Variants in TET3 observed in about 807,000 individuals in gnomAD.
TET3 encodes methylcytosine dioxygenase TET3.
Under a neutral mutation model 141.4 loss-of-function variants are expected in TET3, and 19 were observed. The observed-to-expected ratio is 0.13, with a 90% CI of 0.09 to 0.20. The LOEUF (loss-of-function observed/expected upper bound fraction) is 0.20, where lower values mean the gene tolerates loss of function less well. Among genes scored for constraint, TET3 ranks in the 10% least tolerant of loss-of-function variants. The probability of loss-of-function intolerance (pLI) is 1.00; values close to 1 mark genes in which losing one functional copy is unlikely to be tolerated. For missense variants in TET3, 1,874 were observed against 2,356.9 expected (o/e 0.80, Z 4.24); for synonymous variants, 1,043 against 980.9 (o/e 1.06, Z -1.18).
downstream of TET3, among the ~76,000 whole-genome samples, chr2:74,111,208 C>T (rs578233563): frequency 1.3e-5 from 2 of 152,252 alleles, no homozygotes; most frequent in Admixed American, 6.5e-5. Flanking sequence ...CCAAAAGAAT[C>T]GACTCAGTCT....
At chr2:74,029,835 C>T (rs1421526707) in intron 3 of TET3, among the ~76,000 whole-genome samples, 1 of 152,178 alleles carries the variant, frequency 6.6e-6, no homozygotes, top group East Asian at 1.9e-4. Context: ...CCTTTGATAT[C>T]CTGTCAGTAA....
At chr2:74,030,749 A>T (rs985611174) in intron 3 of TET3, among the ~76,000 whole-genome samples, 2 of 152,184 alleles carry the variant, frequency 1.3e-5, no homozygotes, top group African/African-American at 4.8e-5. Context: ...TCTGGGGTGG[A>T]AGCAGAGGCA....
chr2:74,016,854 G>A (rs912831343), intron 3 of TET3, among the ~76,000 whole-genome samples: 8 of 147,544 alleles, frequency 5.4e-5, no homozygotes, highest in South Asian at 4.2e-4. Context: ...GTGGGGTACA[G>A]TATGATGTTT....
rs954216508 is a variant in TET3 at position 74,098,435 on chromosome 2, A to G, written c.3268-841A>G. ...TGACCATATGCATAATACCCCCTTTAATTAGCAAAAAGTAATTGTGTACTT... is the reference window on the plus strand; with the variant it reads ...TGACCATATGCATAATACCCCCTTTGATTAGCAAAAAGTAATTGTGTACTT... On this transcript the variant is annotated intron_variant, in intron 10 of 11. Transcript: ENST00000409262. Among the ~76,000 whole-genome samples the G allele has an allele frequency of 3.3e-5, 5 of 152,296 alleles. No individual in the cohort carries two copies. The East Asian group carries it at 9.6e-4, about 29-fold the overall frequency.
At chr2:74,125,900 C>T in the TET3 span, among the ~76,000 whole-genome samples, 236 of 152,216 alleles carry the variant, frequency 1.6e-3, no homozygotes, top group African/African-American at 5.4e-3. Context: ...CCATTATTCA[C>T]TTAGAGAAAA....
intron 8 of TET3, among the ~76,000 whole-genome samples, chr2:74,090,936 C>T (rs1690458383): frequency 6.6e-6 from 1 of 152,192 alleles, no homozygotes; most frequent in African/African-American, 2.4e-5. Context: ...CAAGTTGCAA[C>T]CTTCCAAATC....
At position 74,090,120 on chromosome 2, in the gene TET3, T is replaced by C. The variant is rs549114637; in HGVS notation, c.3039+73T>C. ...GCGTCCTTCATGGTCCAGCGGGAGG[T>C]AGTACTGGCACGCCATGACTCAGAT... On this transcript the variant is annotated intron_variant, in intron 8 of 11. Transcript: ENST00000409262. The C allele has an allele frequency of 2.5e-5, 39 of 1,581,114 alleles. No individual in the cohort carries two copies. The African/African-American group carries it at 3.6e-4, about 15-fold the overall frequency.
At chr2:74,128,718 T>C in the TET3 span, among the ~76,000 whole-genome samples, 41 of 146,682 alleles carry the variant, frequency 2.8e-4, no homozygotes, top group South Asian at 8.7e-4. Flanking sequence ...AAGGCTGGGC[T>C]TATGCTTGTA....
At chr2:73,984,706 G>A (rs1450475747), upstream of TET3, among the ~76,000 whole-genome samples, 1 of 151,670 alleles carries the variant, frequency 6.6e-6, no homozygotes, top group Non-Finnish European at 1.5e-5. This position sits in a 1 kb window ranked among gnomAD's most constrained non-coding sequence, Gnocchi z 5.6. Context: ...CACTGCAGGT[G>A]CAGAGAAGCG....
chr2:74,092,003 T>C (rs1286274510), intron 8 of TET3, among the ~76,000 whole-genome samples: 1 of 152,238 alleles, frequency 6.6e-6, no homozygotes, highest in Non-Finnish European at 1.5e-5. Flanking sequence ...TGAATTGCTT[T>C]AATTTTTATT....
At chr2:74,111,089 G>A (rs1217341628), downstream of TET3, among the ~76,000 whole-genome samples, 1 of 152,142 alleles carries the variant, frequency 6.6e-6, no homozygotes, top group Non-Finnish European at 1.5e-5. Flanking sequence ...TGAAGCCCTG[G>A]AAACCCTCTG....
chr2:74,029,020 A>G (rs889805264), intron 3 of TET3, among the ~76,000 whole-genome samples: 1 of 152,222 alleles, frequency 6.6e-6, no homozygotes, highest in Non-Finnish European at 1.5e-5. Context: ...TTGTAGAACC[A>G]TGGGCCTTAG....
Position 74,048,016 on chromosome 2 carries a change from T to A in TET3, c.2099T>A (p.Leu700His). 1.2e-6 allele frequency: 2 copies of A among 1,608,922 alleles called. No individual in the cohort carries two copies. The highest frequency in any genetic ancestry group is 1.7e-6 in the Non-Finnish European group (2 of 1,177,396). Reference sequence around the variant, plus strand: ...TTGCAGCCAGGCTCCACTGGCCCTCTTCCCCCTGCCGATGACAAGCTGGAA... The same window carrying A: ...TTGCAGCCAGGCTCCACTGGCCCTCATCCCCCTGCCGATGACAAGCTGGAA... ...TALQPGSTGP[L>H]PPADDKLEEL... Residue 700 changes from leucine (L) to histidine (H), a missense_variant, in exon 4 of 12, where the codon CTT (leucine) becomes CAT (histidine). Coordinates refer to ENST00000409262, the MANE Select transcript of TET3 (RefSeq NM_001287491.2).
intron 10 of TET3, among the ~76,000 whole-genome samples, chr2:74,095,927 CTT>C (rs1008358275): frequency 5.3e-5 from 8 of 152,228 alleles, no homozygotes; most frequent in Non-Finnish European, 8.8e-5. Flanking sequence ...TTGTCAGTCT[CTT>C]TCATCTTTGC....
In TET3 at chr2:74,101,601, C is replaced by G. The variant is rs374379082; in HGVS notation, c.4813C>G (p.Pro1605Ala). Residue 1605 changes from proline (P) to alanine (A), a missense_variant, in exon 12 of 12, where the codon CCC (proline) becomes GCC (alanine). Pro to Ala is a conservative substitution (Grantham distance 27). Coordinates refer to ENST00000409262, the MANE Select transcript of TET3 (RefSeq NM_001287491.2). The surrounding 1 kb of genome is among the most constrained non-coding windows in gnomAD (Gnocchi z 8.5). ...GAAGTCAGAGGAGAAGCTGTGGGAC[C>G]CCTTCAGCCTGGAGGAGGGGCCGGC... ...ALKSEEKLWD[P>A]FSLEEGPAEE... The G allele has an allele frequency of 1.2e-6, 2 of 1,611,268 alleles. No homozygotes were observed. The highest frequency in any genetic ancestry group is 4.5e-5 in the East Asian group (2 of 44,802).
the TET3 span, among the ~76,000 whole-genome samples, chr2:74,113,997 G>A: frequency 2.0e-5 from 3 of 151,956 alleles, no homozygotes; most frequent in African/African-American, 7.3e-5. Flanking sequence ...AATAGCCAAA[G>A]CAATCCTGAG....
At chr2:74,003,042 T>A in intron 2 of TET3, 68 bp from the exon 3 acceptor site, 1 of 1,526,822 alleles carries the variant, frequency 6.5e-7, no homozygotes, top group South Asian at 1.2e-5. Flanking sequence ...CTGGGGGCTG[T>A]AGCAGGAGGA....
At chr2:74,065,639 T>C (rs569012651) in intron 4 of TET3, among the ~76,000 whole-genome samples, 10 of 137,900 alleles carry the variant, frequency 7.3e-5, no homozygotes, top group African/African-American at 2.5e-4. Flanking sequence ...TCCTTCCTTC[T>C]CTTTCTCTCT....
intron 3 of TET3, among the ~76,000 whole-genome samples, chr2:74,004,726 G>A (rs1685062273): frequency 6.6e-6 from 1 of 152,140 alleles, no homozygotes; most frequent in African/African-American, 2.4e-5. Flanking sequence ...GGGGAGGAGA[G>A]AGCTGAGCTC....
Sources: allele counts gnomAD v4.1 joint callset (sites outside exome capture counted in the v4.1 genomes callset), GRCh38; gene constraint gnomAD v4.1.1; non-coding constraint Gnocchi (gnomAD v3.1); transcripts MANE v1.5; gene names NCBI Gene and HGNC (gene_info 2026-07-23, HGNC 2026-07-21).